The following CASP8 variants were observed in gnomAD, a reference collection of about 807,000 sequenced individuals.
CASP8 encodes the protein caspase-8.
In CASP8, 24 loss-of-function variants were observed where a neutral mutation model predicts 46.3. The ratio of observed to expected loss-of-function variants is 0.52; its 90% CI spans 0.38 to 0.73. The LOEUF is 0.73. Ranked by LOEUF, CASP8 falls within the 30% of genes least tolerant of loss-of-function variation. CASP8 has a pLI of 0.00. For missense variants in CASP8, 460 were observed against 559.0 expected (o/e 0.82, Z 1.79); for synonymous variants, 188 against 200.4 (o/e 0.94, Z 0.52).
chr2:201,270,207 A>G lies in CASP8; in HGVS notation c.306-1309A>G, dbSNP rs190012708. ...ATATTCCAAGAGCCTAAATGTGCCA[A>G]TCACATAAATGTGATAGGCATAGAT... On this transcript the variant is annotated intron_variant, in intron 2 of 8. Coordinates refer to ENST00000673742, the MANE Select transcript of CASP8 (RefSeq NM_001372051.1). 7.9e-5 allele frequency among the ~76,000 whole-genome samples: 12 copies of G among 152,358 alleles called. No individual in the cohort carries two copies. The East Asian group carries it at 1.9e-3, about 24-fold the overall frequency.
At chr2:201,245,208 G>A (rs1946458084) in intron 2 of CASP8, among the ~76,000 whole-genome samples, 1 of 151,984 alleles carries the variant, frequency 6.6e-6, no homozygotes, top group Non-Finnish European at 1.5e-5. Flanking sequence ...TTGTGTCACC[G>A]ATTGATTGAC....
At chr2:201,250,502 CAT>C (rs1250335270) in intron 2 of CASP8, among the ~76,000 whole-genome samples, 1 of 152,168 alleles carries the variant, frequency 6.6e-6, no homozygotes, top group African/African-American at 2.4e-5. Context: ...CGAGACATCT[CAT>C]GTGGCTAGAG....
upstream of CASP8, among the ~76,000 whole-genome samples, chr2:201,256,376 CACTTCTGAGA>C (rs1947018548): frequency 6.6e-6 from 1 of 152,194 alleles, no homozygotes; most frequent in Non-Finnish European, 1.5e-5. Context: ...TCGTAGCATC[CACTTCTGAGA>C]ACTGTTCAGA....
chr2:201,248,769 T>C lies in CASP8; in HGVS notation c.-27+14657T>C, dbSNP rs189361573. Among the ~76,000 whole-genome samples, 14 of 152,344 alleles carry C rather than the reference T, an allele frequency of 9.2e-5. No individual in the cohort carries two copies. In the East Asian group the frequency reaches 2.1e-3, roughly 23 times the overall value. On this transcript the variant is annotated intron_variant, in intron 2 of 6. Coordinates refer to the CASP8 transcript ENST00000264274. ...GTATCATTTTTCTGAAAAGAAGCTC[T>C]TAATTCTAAAATGGTCCTGTTGGTG...
upstream of CASP8, among the ~76,000 whole-genome samples, chr2:201,256,345 T>C (rs889146017): frequency 6.6e-6 from 1 of 152,258 alleles, no homozygotes; most frequent in Admixed American, 6.5e-5. Context: ...CTCAGTGTCC[T>C]CATCCATAAA....
chr2:201,264,954 C>T (rs1947693704), intron 1 of CASP8, among the ~76,000 whole-genome samples: 1 of 152,166 alleles, frequency 6.6e-6, no homozygotes, highest in South Asian at 2.1e-4. Flanking sequence ...GGCCAGCTCC[C>T]TGCAGGGAAC....
At position 201,272,415 on chromosome 2, in the gene CASP8, A is replaced by T. The variant is rs1161770701; in HGVS notation, c.412-223A>T. 6.6e-6 allele frequency among the ~76,000 whole-genome samples: 1 copy of T among 152,128 alleles called. No homozygotes were observed. The highest frequency in any genetic ancestry group is 1.5e-5 in the Non-Finnish European group (1 of 68,018). ...GCCTGGGGACTGGGTGACATCTGAC[A>T]TGGCTTCTCCTTTATCCTCTCACTT... On this transcript the variant is annotated intron_variant, in intron 3 of 8. Coordinates refer to ENST00000673742, the MANE Select transcript of CASP8 (RefSeq NM_001372051.1). The surrounding 1 kb of genome is among the most constrained non-coding windows in gnomAD (Gnocchi z 4.4).
upstream of CASP8, among the ~76,000 whole-genome samples, chr2:201,257,141 G>T (rs529640512): frequency 6.6e-6 from 1 of 151,386 alleles, no homozygotes; most frequent in African/African-American, 2.4e-5. Context: ...GCGAAACTCC[G>T]TCCCCCGAAC....
At chr2:201,275,063 T>TA (rs1948541876) in intron 6 of CASP8, 110 bp downstream of exon 6, 1 of 805,406 alleles carries the variant, frequency 1.2e-6, no homozygotes, top group African/African-American at 1.8e-5. Flanking sequence ...GGCAGAAACT[T>TA]ACTGAAAATT....
chr2:201,251,166 T>C (rs968278821), intron 2 of CASP8, among the ~76,000 whole-genome samples: 1 of 152,264 alleles, frequency 6.6e-6, no homozygotes, highest in African/African-American at 2.4e-5. Context: ...GAGGGACATC[T>C]TGGTTGCTTC....
intron 7 of CASP8, among the ~76,000 whole-genome samples, chr2:201,278,677 C>T (rs1948806905): frequency 6.6e-6 from 1 of 152,132 alleles, no homozygotes; most frequent in Admixed American, 6.5e-5. Context: ...GCTGGGATTA[C>T]AGGCATGTGC....
intron 2 of CASP8, chr2:201,242,525 C>A (rs1012446495): frequency 3.9e-5 from 6 of 152,122 alleles, no homozygotes; most frequent in African/African-American, 1.2e-4. Context: ...AATCACCTCC[C>A]AAAGGTCCCA....
intron 7 of CASP8, among the ~76,000 whole-genome samples, chr2:201,280,336 G>C (rs530364429): frequency 6.6e-6 from 1 of 152,330 alleles, no homozygotes; most frequent in East Asian, 1.9e-4. Context: ...AGAAAGGACA[G>C]AGAAAGGGGA....
At chr2:201,273,678 T>G (rs1259333196) in intron 5 of CASP8, among the ~76,000 whole-genome samples, 1 of 151,784 alleles carries the variant, frequency 6.6e-6, no homozygotes, top group East Asian at 1.9e-4. Flanking sequence ...AATCAAATAG[T>G]CTTTTTTTTT....
chr2:201,257,515 G>T (rs1259199551), upstream of CASP8, among the ~76,000 whole-genome samples: 1 of 151,730 alleles, frequency 6.6e-6, no homozygotes, highest in Non-Finnish European at 1.5e-5. Flanking sequence ...ACAGGGGAGG[G>T]TCTAGGGCTC....
intron 2 of CASP8, among the ~76,000 whole-genome samples, chr2:201,238,219 C>T (rs1038509197): frequency 8.5e-5 from 13 of 152,116 alleles, no homozygotes; most frequent in African/African-American, 3.1e-4. Context: ...GAGCTGAAAT[C>T]CAGGTGACCC....
chr2:201,243,706 A>G (rs1208939474), intron 2 of CASP8, among the ~76,000 whole-genome samples: 1 of 152,166 alleles, frequency 6.6e-6, no homozygotes. Context: ...TTATTAATGT[A>G]TTGTTCCACC....
At chr2:201,271,372 C>T in intron 2 of CASP8, 144 bp from the exon 3 acceptor site, 1 of 695,860 alleles carries the variant, frequency 1.4e-6, no homozygotes, top group Non-Finnish European at 2.6e-6. Context: ...CAGCCTCTTT[C>T]CAAGGGCTCA....
At chr2:201,277,870 T>C (rs924261158) in intron 7 of CASP8, 4 of 264,892 alleles carry the variant, frequency 1.5e-5, no homozygotes, top group Admixed American at 5.3e-5. Context: ...ATGGCTAATT[T>C]TTGTATTTTT....
Sources: allele counts gnomAD v4.1 joint callset (sites outside exome capture counted in the v4.1 genomes callset), GRCh38; gene constraint gnomAD v4.1.1; non-coding constraint Gnocchi (gnomAD v3.1); transcripts MANE v1.5; gene names NCBI Gene and HGNC (gene_info 2026-07-23, HGNC 2026-07-21).